The following MAGEA11 variants were observed in gnomAD, a reference collection of about 807,000 sequenced individuals.
MAGEA11 encodes the protein MAGE family member A11.
Under a neutral mutation model 8.4 loss-of-function variants are expected in MAGEA11, and 1 was observed. That is an observed-to-expected ratio of 0.12 (90% CI 0.04 to 0.57). The LOEUF (loss-of-function observed/expected upper bound fraction) is 0.57. Ranked by LOEUF, MAGEA11 falls within the 20% of genes least tolerant of loss-of-function variation. The probability of loss-of-function intolerance (pLI) is 0.91; values close to 1 mark genes in which losing one functional copy is unlikely to be tolerated. For missense variants in MAGEA11, 209 were observed against 317.3 expected (o/e 0.66, Z 2.59); for synonymous variants, 127 against 119.3 (o/e 1.06, Z -0.42).
upstream of MAGEA11, among the ~76,000 whole-genome samples, chrX:149,688,657 C>CATACAT (rs58756024): frequency 0.011 from 1,093 of 98,811 alleles, 15 homozygotes; most frequent in African/African-American, 0.025. Context: ...TACATATACA[C>CATACAT]ATACATATAC....
In MAGEA11 at chrX:149,690,734, A is replaced by G. The variant is rs781806149; in HGVS notation, c.9+1750A>G. On this transcript the variant is annotated intron_variant, in intron 1 of 3. Coordinates refer to the MAGEA11 transcript ENST00000333104. The stretch of plus-strand genomic sequence containing the variant: ...ACTTATGCATGCAGTTGCACCTTCT[A>G]GGGCTCTTGATTCCTTTGTGTAGAT... Among the ~76,000 whole-genome samples, 23 of 111,952 alleles carry G rather than the reference A, an allele frequency of 2.1e-4. No individual in the cohort carries two copies. The South Asian group carries it at 7.1e-3, about 34-fold the overall frequency.
chrX:149,700,763 T>G (rs1298087055), intron 1 of MAGEA11, among the ~76,000 whole-genome samples: 3 of 97,078 alleles, frequency 3.1e-5, no homozygotes, highest in Non-Finnish European at 6.2e-5. Context: ...CCCCTTCCTG[T>G]GTCCATGTGT....
At chrX:149,712,404 T>C (rs1240080219) in intron 1 of MAGEA11, among the ~76,000 whole-genome samples, 11 of 112,069 alleles carry the variant, frequency 9.8e-5, no homozygotes, top group African/African-American at 3.6e-4. Context: ...TGAGAAATTA[T>C]GGAGAGGTTC....
chrX:149,708,118 TTTAA>T (rs1569561387), upstream of MAGEA11, among the ~76,000 whole-genome samples: 1 of 112,291 alleles, frequency 8.9e-6, no homozygotes, highest in Non-Finnish European at 1.9e-5. Flanking sequence ...AGCTTTTGAG[TTTAA>T]TTAGGTTAAC....
Position 149,717,217 on chromosome X carries a change from T to C in MAGEA11, c.*441T>C, listed in dbSNP as rs2090430916. 8.5e-6 allele frequency: 1 copy of C among 117,384 alleles called. No homozygotes were observed. Among genetic ancestry groups the C allele is most frequent in the Non-Finnish European group, 1.8e-5 (1 of 56,828 alleles). The allele number at this position is 117,384 out of a possible 1,213,427, so 9.7% of individuals were successfully genotyped here. On this transcript the variant is annotated 3_prime_UTR_variant, in exon 5 of 5. Transcript: ENST00000355220. ...CTTGGAGAATGTAAGAACTTAACAATAAAGCTGAACTGGTGTTGTGAAACA... is the reference window on the plus strand; with the variant it reads ...CTTGGAGAATGTAAGAACTTAACAACAAAGCTGAACTGGTGTTGTGAAACA...
At chrX:149,693,905 T>A (rs1360883562) in intron 1 of MAGEA11, among the ~76,000 whole-genome samples, 2 of 112,447 alleles carry the variant, frequency 1.8e-5, no homozygotes, top group Non-Finnish European at 3.8e-5. Flanking sequence ...CAGCACTTCA[T>A]TTTTTTAAGG....
upstream of MAGEA11, among the ~76,000 whole-genome samples, chrX:149,707,723 C>T (rs2090383219): frequency 8.9e-6 from 1 of 112,168 alleles, no homozygotes; most frequent in Non-Finnish European, 1.9e-5. Flanking sequence ...TAAAACCCTT[C>T]CAACTTGTAA....
intron 1 of MAGEA11, among the ~76,000 whole-genome samples, chrX:149,695,023 T>A (rs1294444397): frequency 8.9e-6 from 1 of 111,797 alleles, no homozygotes; most frequent in Non-Finnish European, 1.9e-5. Context: ...CCCGGCCAAT[T>A]TTCCACCTTT....
chrX:149,703,296 A>T (rs1362023386), intron 1 of MAGEA11, among the ~76,000 whole-genome samples: 1 of 112,540 alleles, frequency 8.9e-6, no homozygotes, highest in East Asian at 2.8e-4. Flanking sequence ...AAAATACAAA[A>T]ACATTTGTGC....
chrX:149,693,571 T>TA (rs1380261132), intron 1 of MAGEA11, among the ~76,000 whole-genome samples: 7 of 112,018 alleles, frequency 6.2e-5, no homozygotes, highest in Non-Finnish European at 7.5e-5. Context: ...CTTTCTTTTT[T>TA]AAAAAAATAC....
At chrX:149,697,066 T>C (rs1039534604) in intron 1 of MAGEA11, among the ~76,000 whole-genome samples, 6 of 111,091 alleles carry the variant, frequency 5.4e-5, no homozygotes, top group African/African-American at 2.0e-4. Flanking sequence ...GAACAGAGCC[T>C]CCACTTCAAT....
chrX:149,713,094 C>T (rs1290551511), intron 1 of MAGEA11, 49 bp from the exon 2 acceptor site: 43 of 750,243 alleles, frequency 5.7e-5, no homozygotes, highest in Non-Finnish European at 7.5e-5. Context: ...CCCAGAACAG[C>T]CCCCCCCCAT....
At chrX:149,699,829 A>G (rs950851534) in intron 1 of MAGEA11, among the ~76,000 whole-genome samples, 1 of 112,186 alleles carries the variant, frequency 8.9e-6, no homozygotes, top group Non-Finnish European at 1.9e-5. Flanking sequence ...ATTATAAAGG[A>G]AAAAAGTTTA....
At chrX:149,705,536 A>G (rs1254795173) in intron 1 of MAGEA11, among the ~76,000 whole-genome samples, 2 of 112,237 alleles carry the variant, frequency 1.8e-5, no homozygotes, top group East Asian at 5.6e-4. Flanking sequence ...CAGCATGAAA[A>G]TGGACTAATA....
intron 2 of MAGEA11, chrX:149,713,638 C>T (rs1290399745): frequency 7.5e-6 from 1 of 132,952 alleles, no homozygotes; most frequent in African/African-American, 3.2e-5. Context: ...GAGGAGGCAC[C>T]CCTGAAATCT....
intron 1 of MAGEA11, among the ~76,000 whole-genome samples, chrX:149,696,298 C>A (rs1244480681): frequency 1.8e-5 from 2 of 109,849 alleles, no homozygotes; most frequent in Non-Finnish European, 3.8e-5. Flanking sequence ...CAGGCAGATT[C>A]TCGGTGTGCC....
chrX:149,702,888 A>G (rs1451609017), intron 1 of MAGEA11, among the ~76,000 whole-genome samples: 2 of 112,216 alleles, frequency 1.8e-5, no homozygotes, highest in African/African-American at 6.5e-5. Context: ...ACTTGTACCA[A>G]TCTATTTAAA....
intron 1 of MAGEA11, among the ~76,000 whole-genome samples, chrX:149,705,883 A>C (rs1209832707): frequency 2.7e-5 from 3 of 110,220 alleles, no homozygotes; most frequent in Non-Finnish European, 5.7e-5. Context: ...GGGTGCTGTG[A>C]GACCCCCTAG....
intron 1 of MAGEA11, among the ~76,000 whole-genome samples, chrX:149,692,849 ATCTGATGGT>A (rs2090315998): frequency 9.0e-6 from 1 of 111,454 alleles, no homozygotes; most frequent in African/African-American, 3.3e-5. Flanking sequence ...GTCTCATGAG[ATCTGATGGT>A]TCTATGAAGG....
Sources: allele counts gnomAD v4.1 joint callset (sites outside exome capture counted in the v4.1 genomes callset), GRCh38; gene constraint gnomAD v4.1.1; transcripts MANE v1.5; gene names NCBI Gene and HGNC (gene_info 2026-07-23, HGNC 2026-07-21).